Variants in ADAMTS12 observed in about 807,000 individuals in gnomAD.
The protein encoded by ADAMTS12 is ADAM metallopeptidase with thrombospondin type 1 motif 12, also known as A disintegrin and metalloproteinase with thrombospondin motifs 12.
A neutral mutation model predicts 167.8 loss-of-function variants in ADAMTS12; 118 were observed. The ratio of observed to expected loss-of-function variants is 0.70; its 90% CI spans 0.61 to 0.82. ADAMTS12 has a LOEUF of 0.82. ADAMTS12 is among the 40% of genes least tolerant of loss of function. The pLI, the probability that ADAMTS12 is intolerant of heterozygous loss-of-function variation, is 0.00. For synonymous variants in ADAMTS12, 704 were observed against 716.9 expected (o/e 0.98, Z 0.29); for missense variants, 1,916 against 1,998.8 (o/e 0.96, Z 0.79).
At chr5:33,681,428 A>G (rs1271225155) in intron 5 of ADAMTS12, among the ~76,000 whole-genome samples, 1 of 152,204 alleles carries the variant, frequency 6.6e-6, no homozygotes, top group Non-Finnish European at 1.5e-5. Flanking sequence ...AGGGCATTTC[A>G]TCAGTTGGCT....
At chr5:33,797,232 G>A (rs1341851156) in intron 2 of ADAMTS12, among the ~76,000 whole-genome samples, 4 of 152,154 alleles carry the variant, frequency 2.6e-5, no homozygotes, top group African/African-American at 9.7e-5. Context: ...TACAGACCTT[G>A]AGTGGTCAAG....
intron 1 of ADAMTS12, among the ~76,000 whole-genome samples, chr5:33,883,324 T>G (rs1250078143): frequency 2.6e-5 from 3 of 113,348 alleles, no homozygotes; most frequent in Non-Finnish European, 5.5e-5. Context: ...TGGTTTTTTT[T>G]TTGTTTTTTT....
chr5:33,887,589 C>T (rs1276755439), intron 1 of ADAMTS12, among the ~76,000 whole-genome samples: 2 of 152,188 alleles, frequency 1.3e-5, no homozygotes, highest in Non-Finnish European at 2.9e-5. Flanking sequence ...CCTCAGTCCA[C>T]AAGTTTCAAT....
At chr5:33,816,312 T>G (rs1277237376) in intron 2 of ADAMTS12, among the ~76,000 whole-genome samples, 5 of 152,102 alleles carry the variant, frequency 3.3e-5, no homozygotes, top group African/African-American at 9.7e-5. Context: ...TACCTAACAG[T>G]TTTTGTGATA....
intron 8 of ADAMTS12, 49 bp downstream of exon 8, chr5:33,649,505 C>T (rs1561194253): frequency 1.3e-6 from 2 of 1,594,174 alleles, no homozygotes; most frequent in East Asian, 4.5e-5. Flanking sequence ...AATGCAGCTT[C>T]CAATTTAAAG....
chr5:33,643,498 A>G (rs779280410), intron 9 of ADAMTS12, 28 bp from the exon 10 acceptor site: 6 of 1,606,774 alleles, frequency 3.7e-6, no homozygotes, highest in Non-Finnish European at 5.1e-6. Context: ...CTTCTTTTGT[A>G]TTTTCAAAAC....
At chr5:33,833,353 A>C (rs529841301) in intron 2 of ADAMTS12, among the ~76,000 whole-genome samples, 1 of 152,322 alleles carries the variant, frequency 6.6e-6, no homozygotes, top group East Asian at 1.9e-4. Context: ...CCACACAGCA[A>C]GGAAACACGA....
intron 2 of ADAMTS12, among the ~76,000 whole-genome samples, chr5:33,859,201 AG>A (rs1749515688): frequency 6.6e-6 from 1 of 152,238 alleles, no homozygotes; most frequent in African/African-American, 2.4e-5. Context: ...CAGGGAGCCA[AG>A]TGGTCTAGCT....
rs370865587 is a variant in ADAMTS12 at position 33,699,114 on chromosome 5, A to G, written c.635-15059T>C. The stretch of plus-strand genomic sequence containing the variant: ...GGAGGTTGCAGTAAACTGAGATCAC[A>G]CCATTGTACTCCAGCCTGGGCAACA... On this transcript the variant is annotated intron_variant, in intron 3 of 23. Transcript: ENST00000504830. Among the ~76,000 whole-genome samples the G allele has an allele frequency of 5.9e-5, 9 of 152,260 alleles. No individual in the cohort carries two copies. In the South Asian group the frequency reaches 1.2e-3, roughly 21 times the overall value.
At chr5:33,529,286 C>T (rs536482631) in intron 23 of ADAMTS12, among the ~76,000 whole-genome samples, 25 of 152,278 alleles carry the variant, frequency 1.6e-4, no homozygotes, top group African/African-American at 5.8e-4. Flanking sequence ...ATACATGAGT[C>T]AGGGAACGAG....
intron 5 of ADAMTS12, among the ~76,000 whole-genome samples, chr5:33,672,524 A>G (rs1043669026): frequency 6.6e-6 from 1 of 152,226 alleles, no homozygotes; most frequent in Non-Finnish European, 1.5e-5. Flanking sequence ...CCCTTAGCTC[A>G]CAGGGTCCCT....
intron 1 of ADAMTS12, among the ~76,000 whole-genome samples, chr5:33,889,455 A>G (rs989262403): frequency 6.6e-6 from 1 of 152,184 alleles, no homozygotes; most frequent in Non-Finnish European, 1.5e-5. Context: ...ATTTGGAGGG[A>G]AAAACCCAGG....
intron 2 of ADAMTS12, among the ~76,000 whole-genome samples, chr5:33,879,026 G>T (rs1288551736): frequency 6.6e-6 from 1 of 152,166 alleles, no homozygotes; most frequent in Non-Finnish European, 1.5e-5. Flanking sequence ...AGGAATGGGG[G>T]AATGGGTAAG....
At chr5:33,692,752 C>T (rs1419664529) in intron 3 of ADAMTS12, among the ~76,000 whole-genome samples, 1 of 152,166 alleles carries the variant, frequency 6.6e-6, no homozygotes, top group Non-Finnish European at 1.5e-5. Flanking sequence ...TATAAATAAA[C>T]AGTGAGTTCT....
chr5:33,686,774 T>G (rs1742342152), intron 3 of ADAMTS12, among the ~76,000 whole-genome samples: 1 of 151,284 alleles, frequency 6.6e-6, no homozygotes, highest in Non-Finnish European at 1.5e-5. Context: ...TCTATATATA[T>G]ATATATATTC....
intron 3 of ADAMTS12, among the ~76,000 whole-genome samples, chr5:33,694,798 A>G (rs1742693777): frequency 6.6e-6 from 1 of 152,234 alleles, no homozygotes; most frequent in Non-Finnish European, 1.5e-5. Context: ...CACACTAATA[A>G]GGTACATTGA....
chr5:33,535,424 C>A (rs185365), intron 22 of ADAMTS12, among the ~76,000 whole-genome samples: 73,105 of 151,894 alleles, frequency 0.48, 18,744 homozygotes, highest in East Asian at 0.78. Flanking sequence ...GAGACCCAGC[C>A]AGAGATTCCA....
intron 5 of ADAMTS12, among the ~76,000 whole-genome samples, chr5:33,663,772 CA>C (rs1055163604): frequency 2.1e-4 from 32 of 152,314 alleles, no homozygotes; most frequent in African/African-American, 7.7e-4. Context: ...TCACATAAAG[CA>C]TCAACTATGA....
Position 33,684,565 on chromosome 5 carries a change from T to G in ADAMTS12, c.635-510A>C, listed in dbSNP as rs1197356146. The stretch of plus-strand genomic sequence containing the variant: ...ATCCAGTACTTTCTATGCCCCAAAA[T>G]CATGCATTTTTAAAAATATACATCA... On this transcript the variant is annotated intron_variant, in intron 3 of 23. Coordinates refer to ENST00000504830, the MANE Select transcript of ADAMTS12 (RefSeq NM_030955.4). Among the ~76,000 whole-genome samples, 3 of 152,302 alleles carry G rather than the reference T, an allele frequency of 2.0e-5. No individual in the cohort carries two copies. In the East Asian group the frequency reaches 5.8e-4, roughly 29 times the overall value.
Sources: allele counts gnomAD v4.1 joint callset (sites outside exome capture counted in the v4.1 genomes callset), GRCh38; gene constraint gnomAD v4.1.1; transcripts MANE v1.5; gene names NCBI Gene and HGNC (gene_info 2026-07-23, HGNC 2026-07-21).